The following NRXN3 variants were observed in gnomAD, a reference collection of about 807,000 sequenced individuals.
NRXN3 encodes neurexin 3.
A neutral mutation model predicts 137.6 loss-of-function variants in NRXN3; 32 were observed. The ratio of observed to expected loss-of-function variants is 0.23; its 90% CI spans 0.18 to 0.31. NRXN3 has a LOEUF of 0.31. Ranked by LOEUF, NRXN3 falls within the 10% of genes least tolerant of loss-of-function variation. NRXN3 has a pLI of 1.00. For missense variants in NRXN3, 1,574 were observed against 2,062.5 expected, an observed-to-expected ratio of 0.76 and a Z score of 4.59; for synonymous variants, 798 against 784.5, an observed-to-expected ratio of 1.02 and a Z score of -0.29.
At chr14:78,732,500 CT>C (rs1418818876) in intron 8 of NRXN3, among the ~76,000 whole-genome samples, 6 of 152,098 alleles carry the variant, frequency 3.9e-5, no homozygotes, top group African/African-American at 7.2e-5. Context: ...GCCATGAGAC[CT>C]TTTTCCAAAC....
chr14:78,771,888 C>A (rs1212405647), intron 8 of NRXN3, among the ~76,000 whole-genome samples: 1 of 152,076 alleles, frequency 6.6e-6, no homozygotes, highest in African/African-American at 2.4e-5. Context: ...ATCTAAAATG[C>A]CTGGGACCAG....
At chr14:79,281,716 G>A (rs1445650034) in intron 15 of NRXN3, 1 of 152,234 alleles carries the variant, frequency 6.6e-6, no homozygotes, top group Non-Finnish European at 1.5e-5. Flanking sequence ...TTAACAACCC[G>A]TGGCCATTTG....
chr14:78,916,726 A>T (rs2152806985), intron 10 of NRXN3, among the ~76,000 whole-genome samples: 1 of 152,318 alleles, frequency 6.6e-6, no homozygotes, highest in East Asian at 1.9e-4. Context: ...CTAGTTTACA[A>T]GGGCTGCCTT....
intron 1 of NRXN3, among the ~76,000 whole-genome samples, chr14:78,189,981 C>T (rs1056854513): frequency 5.3e-5 from 8 of 152,202 alleles, no homozygotes; most frequent in South Asian, 2.1e-4. Flanking sequence ...CACCATCTGA[C>T]GTGTTACACA....
chr14:79,456,330 G>C (rs923666380), intron 15 of NRXN3, among the ~76,000 whole-genome samples: 1 of 152,174 alleles, frequency 6.6e-6, no homozygotes, highest in African/African-American at 2.4e-5. Flanking sequence ...CAGGCACTGT[G>C]ATAGGTACCA....
chr14:78,763,236 C>T (rs904003888), intron 8 of NRXN3, among the ~76,000 whole-genome samples: 1 of 152,140 alleles, frequency 6.6e-6, no homozygotes, highest in Non-Finnish European at 1.5e-5. Flanking sequence ...TGAGGCTTAA[C>T]TGTAAAGGAA....
intron 15 of NRXN3, among the ~76,000 whole-genome samples, chr14:79,210,147 T>C (rs539164903): frequency 4.6e-5 from 7 of 152,348 alleles, no homozygotes; most frequent in African/African-American, 1.7e-4. Flanking sequence ...CTTCAGTCCC[T>C]GTCTTCCATG....
intron 15 of NRXN3, among the ~76,000 whole-genome samples, chr14:79,037,031 TTA>T (rs2099617224): frequency 6.6e-6 from 1 of 152,142 alleles, no homozygotes; most frequent in Non-Finnish European, 1.5e-5. Context: ...TAATTTCTTG[TTA>T]AATGGGACCA....
chr14:79,145,171 C>T (rs368734307), intron 15 of NRXN3, among the ~76,000 whole-genome samples: 1 of 152,168 alleles, frequency 6.6e-6, no homozygotes, highest in African/African-American at 2.4e-5. Flanking sequence ...CATTGAGATA[C>T]ATAAGGCAAC....
At chr14:78,339,646 C>G (rs954018294) in intron 4 of NRXN3, among the ~76,000 whole-genome samples, 1 of 152,156 alleles carries the variant, frequency 6.6e-6, no homozygotes, top group South Asian at 2.1e-4. Flanking sequence ...TGCTGGCAGA[C>G]AGGAGCTCCC....
Position 79,015,250 on chromosome 14 carries a change from C to G in NRXN3, c.3262+27109C>G, listed in dbSNP as rs113582985. 2.0e-5 allele frequency among the ~76,000 whole-genome samples: 3 copies of G among 152,100 alleles called. No homozygotes were observed. The East Asian group carries it at 5.8e-4, about 29-fold the overall frequency. On this transcript the variant is annotated intron_variant, in intron 15 of 20. Coordinates refer to ENST00000335750, the MANE Select transcript of NRXN3 (RefSeq NM_001330195.2). ...GGGGGTTTGTTTACCTCTACAATTGCGTAACTGAATGACCCTGAGCAAACG... is the reference window on the plus strand; with the variant it reads ...GGGGGTTTGTTTACCTCTACAATTGGGTAACTGAATGACCCTGAGCAAACG...
intron 4 of NRXN3, among the ~76,000 whole-genome samples, chr14:78,543,852 C>T (rs539230116): frequency 1.3e-5 from 2 of 151,950 alleles, no homozygotes; most frequent in Non-Finnish European, 2.9e-5. Context: ...AGTAAAACAA[C>T]AAAAAAGTCA....
intron 1 of NRXN3, among the ~76,000 whole-genome samples, chr14:78,191,335 T>C (rs2060709163): frequency 6.6e-6 from 1 of 151,816 alleles, no homozygotes; most frequent in African/African-American, 2.4e-5. Flanking sequence ...CTGAGAGAGG[T>C]TTTATGGCTT....
At chr14:79,715,364 C>A (rs1020841369) in intron 19 of NRXN3, among the ~76,000 whole-genome samples, 3 of 152,196 alleles carry the variant, frequency 2.0e-5, no homozygotes, top group African/African-American at 7.2e-5. Context: ...ACTCCCTGAG[C>A]AGAGAGACCC....
intron 19 of NRXN3, among the ~76,000 whole-genome samples, chr14:79,773,280 A>G (rs958788281): frequency 1.3e-5 from 2 of 152,244 alleles, no homozygotes; most frequent in African/African-American, 4.8e-5. Flanking sequence ...ATTACTGGGT[A>G]TATACCCAAA....
chr14:78,851,997 C>T (rs904006808), intron 10 of NRXN3, among the ~76,000 whole-genome samples: 5 of 152,056 alleles, frequency 3.3e-5, no homozygotes, highest in African/African-American at 9.7e-5. Context: ...AATTTATATT[C>T]AGTTCCTTCA....
intron 17 of NRXN3, among the ~76,000 whole-genome samples, chr14:79,682,379 G>T (rs2098675013): frequency 6.6e-6 from 1 of 152,146 alleles, no homozygotes; most frequent in Non-Finnish European, 1.5e-5. Flanking sequence ...ACGAGGCATT[G>T]TATGAATTCA....
At chr14:79,279,929 G>A in intron 15 of NRXN3, 1 of 1,074,682 alleles carries the variant, frequency 9.3e-7, no homozygotes, top group Non-Finnish European at 1.1e-6. Flanking sequence ...CCGGGAGTGT[G>A]CGGTTAAGTC....
chr14:78,673,506 G>C (rs1261238711), intron 6 of NRXN3, among the ~76,000 whole-genome samples: 4 of 152,154 alleles, frequency 2.6e-5, no homozygotes, highest in African/African-American at 7.2e-5. Context: ...TGGGGTGTGG[G>C]TACGAAAATA....
Sources: allele counts gnomAD v4.1 joint callset (sites outside exome capture counted in the v4.1 genomes callset), GRCh38; gene constraint gnomAD v4.1.1; transcripts MANE v1.5; gene names NCBI Gene and HGNC (gene_info 2026-07-23, HGNC 2026-07-21).